Variants in CUX1 observed in about 807,000 individuals in gnomAD.
CUX1 encodes the protein cut like homeobox 1.
A neutral mutation model predicts 158.8 loss-of-function variants in CUX1; 31 were observed. The ratio of observed to expected loss-of-function variants is 0.20; its 90% CI spans 0.15 to 0.26. The LOEUF (loss-of-function observed/expected upper bound fraction) is 0.26. Ranked by LOEUF, CUX1 falls within the 10% of genes least tolerant of loss-of-function variation. The pLI is 1.00. For synonymous variants in CUX1, 879 were observed against 862.1 expected (o/e 1.02, Z -0.34); for missense variants, 1,589 against 2,014.6 (o/e 0.79, Z 4.04).
chr7:102,231,607 AAGCAAAG>A (rs1798999040), intron 21 of CUX1, among the ~76,000 whole-genome samples: 3 of 152,146 alleles, frequency 2.0e-5, no homozygotes, highest in Non-Finnish European at 4.4e-5. Context: ...TGGGAGGCCT[AAGCAAAG>A]AGCAACTAGC....
At position 102,145,081 on chromosome 7, in the gene CUX1, C is replaced by T. The variant is rs926648449; in HGVS notation, c.675-13479C>T. 3.2e-4 allele frequency among the ~76,000 whole-genome samples: 40 copies of T among 124,076 alleles called. No individual in the cohort carries two copies. In the South Asian group the frequency reaches 3.7e-3, roughly 11 times the overall value. 81.4% of individuals were successfully genotyped at this position (124,076 alleles called of 152,430 possible). A position where few individuals can be genotyped will look rare whatever the true frequency, so the allele number is the denominator to read the frequency against. The stretch of plus-strand genomic sequence containing the variant: ...CAACCTGGGCGACAGAGCAAGACTC[C>T]GTCTTAAAAAAAAAAAAAAAAAAAA... On this transcript the variant is annotated intron_variant, in intron 8 of 23. Transcript: ENST00000292535.
intron 2 of CUX1, among the ~76,000 whole-genome samples, chr7:101,974,372 G>T (rs1812382928): frequency 1.3e-5 from 2 of 152,146 alleles, no homozygotes; most frequent in Admixed American, 6.5e-5. Flanking sequence ...TTATCAGGAA[G>T]CGAAATAACC....
chr7:101,954,464 TTGTAGCTGTA>T (rs1454001939), intron 2 of CUX1, among the ~76,000 whole-genome samples: 3 of 152,242 alleles, frequency 2.0e-5, no homozygotes, highest in Non-Finnish European at 2.9e-5. Context: ...CTAGCGTCTT[TTGTAGCTGTA>T]TGTATTGCCA....
At chr7:101,836,834 A>G (rs1165893252) in intron 1 of CUX1, among the ~76,000 whole-genome samples, 1 of 152,050 alleles carries the variant, frequency 6.6e-6, no homozygotes, top group African/African-American at 2.4e-5. Context: ...ACCTGCTACC[A>G]TCATCCCAGC....
chr7:102,025,873 G>T (rs987836068), intron 2 of CUX1, among the ~76,000 whole-genome samples: 3 of 152,226 alleles, frequency 2.0e-5, no homozygotes, highest in Admixed American at 2.0e-4. Context: ...GATGATATTT[G>T]TCAAAAAACT....
chr7:101,974,692 T>C (rs1211821354), intron 2 of CUX1, among the ~76,000 whole-genome samples: 1 of 152,164 alleles, frequency 6.6e-6, no homozygotes, highest in Non-Finnish European at 1.5e-5. Flanking sequence ...AGGGGTGATA[T>C]CAGCTGAGGA....
intron 22 of CUX1, 119 bp from the exon 23 acceptor site, chr7:102,239,201 T>G: frequency 1.7e-6 from 2 of 1,207,458 alleles, no homozygotes; most frequent in Non-Finnish European, 2.2e-6. Flanking sequence ...CTTAGTGTTT[T>G]GAGATGCTCT....
intron 18 of CUX1, among the ~76,000 whole-genome samples, chr7:102,278,397 C>A (rs1791763063): frequency 6.6e-6 from 1 of 151,984 alleles, no homozygotes; most frequent in African/African-American, 2.4e-5. Context: ...CGAGACCAGC[C>A]TGGCCAATAT....
At chr7:102,221,786 A>C (rs1160337306) in intron 20 of CUX1, among the ~76,000 whole-genome samples, 1 of 151,812 alleles carries the variant, frequency 6.6e-6, no homozygotes, top group Non-Finnish European at 1.5e-5. Context: ...TGACTTTTTA[A>C]ATGTAACACC....
At chr7:102,022,778 C>T (rs906536402) in intron 2 of CUX1, among the ~76,000 whole-genome samples, 4 of 152,254 alleles carry the variant, frequency 2.6e-5, no homozygotes, top group African/African-American at 7.2e-5. Flanking sequence ...ATCTCAAGAA[C>T]ATCACTTTCT....
chr7:102,018,118 G>C (rs1818877340), intron 2 of CUX1, among the ~76,000 whole-genome samples: 1 of 151,984 alleles, frequency 6.6e-6, no homozygotes, highest in Non-Finnish European at 1.5e-5. Flanking sequence ...CACCATGCCT[G>C]GGTAATTTTT....
At chr7:101,982,952 G>A (rs1301340896) in intron 2 of CUX1, among the ~76,000 whole-genome samples, 4 of 149,260 alleles carry the variant, frequency 2.7e-5, no homozygotes, top group African/African-American at 9.9e-5. Flanking sequence ...CCCTTTCTGG[G>A]TGGTGTCAGG....
chr7:101,848,657 T>C (rs1795953706), intron 1 of CUX1, among the ~76,000 whole-genome samples: 2 of 152,114 alleles, frequency 1.3e-5, no homozygotes, highest in South Asian at 4.1e-4. Flanking sequence ...ATCTATGGAA[T>C]GTGCTTAACC....
intron 2 of CUX1, chr7:101,961,933 A>G (rs919672871): frequency 6.6e-6 from 1 of 152,148 alleles, no homozygotes; most frequent in Non-Finnish European, 1.5e-5. Context: ...GGCTTAAGCA[A>G]AAAGAAAGCA....
At chr7:102,206,044 CACAA>C (rs1795913701) in intron 20 of CUX1, among the ~76,000 whole-genome samples, 1 of 152,164 alleles carries the variant, frequency 6.6e-6, no homozygotes, top group Non-Finnish European at 1.5e-5. Flanking sequence ...TCATTGAAAA[CACAA>C]ACAAAGCTAA....
At chr7:102,212,886 C>T (rs1054223737) in intron 20 of CUX1, among the ~76,000 whole-genome samples, 1 of 152,222 alleles carries the variant, frequency 6.6e-6, no homozygotes, top group Non-Finnish European at 1.5e-5. Context: ...CGCTCTGTCA[C>T]CCAGGCTGGA....
intron 2 of CUX1, among the ~76,000 whole-genome samples, chr7:101,976,964 G>A (rs1285076155): frequency 8.0e-6 from 1 of 125,184 alleles, no homozygotes; most frequent in Non-Finnish European, 1.6e-5. Context: ...CCAGGCTGGA[G>A]TGTCGTGGCA....
At chr7:102,158,662 G>A in intron 9 of CUX1, 54 bp downstream of exon 9, 1 of 1,572,696 alleles carries the variant, frequency 6.4e-7, no homozygotes, top group Non-Finnish European at 8.7e-7. Context: ...GCCCGTTTCT[G>A]GCATCTCGGA....
Position 102,254,935 on chromosome 7 carries a change from A to G in CUX1, c.*5893A>G. On this transcript the variant is annotated 3_prime_UTR_variant, in exon 24 of 24. Coordinates refer to ENST00000292535, the MANE Select transcript of CUX1 (RefSeq NM_181552.4). The stretch of plus-strand genomic sequence containing the variant: ...AGGGAAAAGGGGAAGCAGGTACCCA[A>G]TAAAGTTTAGAAAGATCCAGTCTGT... 2 of 985,492 alleles carry G rather than the reference A, an allele frequency of 2.0e-6. No individual in the cohort carries two copies. The highest frequency in any genetic ancestry group is 2.4e-6 in the Non-Finnish European group (2 of 829,958). 61.0% of individuals were successfully genotyped at this position (985,492 alleles called of 1,614,324 possible). A position where few individuals can be genotyped will look rare whatever the true frequency, so the allele number is the denominator to read the frequency against.
Sources: gnomAD v4.1 joint callset for allele counts (sites outside exome capture counted in the v4.1 genomes callset) on GRCh38, gnomAD v4.1.1 for gene constraint, MANE v1.5 for transcripts, NCBI Gene and HGNC (gene_info 2026-07-23, HGNC 2026-07-21) for gene names.